The following XRN1 variants were observed in gnomAD, a reference collection of about 807,000 sequenced individuals.
XRN1 encodes strand-exchange protein 1 homolog.
Under a neutral mutation model 222.3 loss-of-function variants are expected in XRN1, and 67 were observed. The ratio of observed to expected loss-of-function variants is 0.30; its 90% confidence interval spans 0.25 to 0.37. The LOEUF (loss-of-function observed/expected upper bound fraction) is 0.37, where lower values mean the gene tolerates loss of function less well. XRN1 is among the 10% of genes least tolerant of loss of function. XRN1 has a pLI of 1.00. For synonymous variants in XRN1, 643 were observed against 652.4 expected (o/e 0.99, Z 0.22); for missense variants, 1,707 against 2,000.2 (o/e 0.85, Z 2.80).
intron 1 of XRN1, among the ~76,000 whole-genome samples, chr3:142,440,795 C>CT (rs2070170066): frequency 6.6e-6 from 1 of 152,120 alleles, no homozygotes; most frequent in African/African-American, 2.4e-5. Flanking sequence ...TTAAGGATGC[C>CT]TTTTTCTGCA....
In XRN1 at chr3:142,351,032, C is replaced by T. The variant is rs111792438; in HGVS notation, c.3769-3690G>A. On this transcript the variant is annotated intron_variant, in intron 32 of 40. Coordinates refer to ENST00000392981, the MANE Select transcript of XRN1 (RefSeq NM_001282857.2). Reference sequence around the variant, plus strand: ...AAGTTTGGGAGACATGATGTATGTACTTTTGTAGGTATATATGTTTGTGTG... The same window carrying T: ...AAGTTTGGGAGACATGATGTATGTATTTTTGTAGGTATATATGTTTGTGTG... Among the ~76,000 whole-genome samples, 778 of 152,118 alleles carry T rather than the reference C, an allele frequency of 5.1e-3. 9 individuals carry two copies. The highest frequency in any genetic ancestry group is 0.018 in the African/African-American group (756 of 41,496).
chr3:142,434,256 C>A (rs1251387720), intron 1 of XRN1, among the ~76,000 whole-genome samples: 1 of 152,180 alleles, frequency 6.6e-6, no homozygotes, highest in Non-Finnish European at 1.5e-5. Context: ...AAGCAATCCT[C>A]CCACCTCAAC....
chr3:142,399,441 T>C (rs2068047071), intron 19 of XRN1, among the ~76,000 whole-genome samples: 1 of 152,046 alleles, frequency 6.6e-6, no homozygotes, highest in Non-Finnish European at 1.5e-5. Context: ...CAAAAATTAA[T>C]TCAAAATGGA....
chr3:142,307,086 T>C lies in XRN1; in HGVS notation c.*4425A>G, dbSNP rs2064982456. 6.6e-6 allele frequency: 1 copy of C among 152,358 alleles called. No individual in the cohort carries two copies. The highest frequency in any genetic ancestry group is 1.5e-5 in the Non-Finnish European group (1 of 68,014). 9.4% of individuals were successfully genotyped at this position (152,358 alleles called of 1,614,324 possible). On this transcript the variant is annotated 3_prime_UTR_variant, in exon 41 of 41. Transcript: ENST00000392981. ...GAAAATACTCAAAGAAGCAGTTGGATACAGGCAAAAGAAAATATGATACTT... is the reference window on the plus strand; with the variant it reads ...GAAAATACTCAAAGAAGCAGTTGGACACAGGCAAAAGAAAATATGATACTT...
At chr3:142,328,711 A>C in intron 37 of XRN1, among the ~76,000 whole-genome samples, 1 of 686 alleles carries the variant, frequency 1.5e-3, no homozygotes, top group East Asian at 0.014. Context: ...TATTATATAT[A>C]TATATATATA....
chr3:142,395,867 T>C (rs1342337641), intron 20 of XRN1, among the ~76,000 whole-genome samples: 1 of 152,228 alleles, frequency 6.6e-6, no homozygotes, highest in Non-Finnish European at 1.5e-5. Flanking sequence ...GGGCTTTTCA[T>C]GTAAGTCTTC....
intron 34 of XRN1, among the ~76,000 whole-genome samples, chr3:142,334,767 TACACACACACACAC>T (rs761753366): frequency 2.2e-5 from 2 of 90,350 alleles, no homozygotes; most frequent in East Asian, 3.8e-4. Context: ...TGTCTATGTA[TACACACACACACAC>T]ACACACACAC....
At chr3:142,379,979 T>C in intron 23 of XRN1, 103 bp downstream of exon 23, 1 of 857,520 alleles carries the variant, frequency 1.2e-6, no homozygotes, top group Non-Finnish European at 1.8e-6. Flanking sequence ...TAATCATTAT[T>C]AAATAAAATA....
chr3:142,347,284 T>C lies in XRN1; in HGVS notation c.3827A>G (p.Asn1276Ser). The C allele has an allele frequency of 6.2e-7, 1 of 1,608,508 alleles. No homozygotes were observed. The highest frequency in any genetic ancestry group is 8.5e-7 in the Non-Finnish European group (1 of 1,177,416). ...TTGCTGATATTTAACACTGTTGTCATTAAAGCCAGATTTATGATGTTGATT... is the reference window on the plus strand; with the variant it reads ...TTGCTGATATTTAACACTGTTGTCACTAAAGCCAGATTTATGATGTTGATT... ...QVNQHHKSGF[N>S]DNSVKYQQRK... The change falls in exon 33 of 41, where the codon AAT becomes AGT. Residue 1276 changes from asparagine to serine, a missense_variant. By Grantham distance (46) the Asn-to-Ser change is conservative. Coordinates refer to ENST00000392981, the MANE Select transcript of XRN1 (RefSeq NM_001282857.2).
chr3:142,331,329 C>A (rs568568968), intron 36 of XRN1, among the ~76,000 whole-genome samples: 1 of 151,996 alleles, frequency 6.6e-6, no homozygotes, highest in East Asian at 1.9e-4. Flanking sequence ...CAGTTATGTG[C>A]CAGATGTTAT....
rs1577322703 is a variant in XRN1 at position 142,376,704 on chromosome 3, T to C, written c.2716-110A>G. The C allele has an allele frequency of 7.6e-6, 6 of 790,618 alleles. No homozygotes were observed. In the East Asian group the frequency reaches 1.4e-4, roughly 19 times the overall value. 49.0% of individuals were successfully genotyped at this position (790,618 alleles called of 1,614,324 possible). On this transcript the variant is annotated intron_variant, in intron 23 of 40. Transcript: ENST00000392981. ...AATCAAGACATCACTAACCATTGGA[T>C]TGTGGCAATATAAGGATTTTCACTT...
rs556430671 is a variant in XRN1 at position 142,341,286 on chromosome 3, T to G, written c.3878-5777A>C. 2.0e-5 allele frequency among the ~76,000 whole-genome samples: 3 copies of G among 151,894 alleles called. No homozygotes were observed. In the East Asian group the frequency reaches 5.8e-4, roughly 29 times the overall value. ...ACTCATAACTTCAAATCAAAAAACA[T>G]AAACAGATACACAAAAAATAAAAAG... On this transcript the variant is annotated intron_variant, in intron 33 of 40. Coordinates refer to ENST00000392981, the MANE Select transcript of XRN1 (RefSeq NM_001282857.2).
At chr3:142,430,434 T>A (rs1416277408) in intron 2 of XRN1, among the ~76,000 whole-genome samples, 1 of 152,214 alleles carries the variant, frequency 6.6e-6, no homozygotes, top group African/African-American at 2.4e-5. Context: ...TAAAAAATAG[T>A]TCCCAGGAGT....
At position 142,375,881 on chromosome 3, in the gene XRN1, C is replaced by G. The variant is rs767968974; in HGVS notation, c.2895G>C (p.Glu965Asp). The G allele has an allele frequency of 6.2e-7, 1 of 1,613,708 alleles. No individual in the cohort carries two copies. Among genetic ancestry groups the G allele is most frequent in the East Asian group, 2.2e-5 (1 of 44,846 alleles). ...LNLKFNKKNE[E>D]VPGYTKKVGS... Reference sequence around the variant, plus strand: ...CAACTTTCTTAGTATATCCAGGTACCTCCTCATTTTTCTTGTTGAATTTGA... The same window carrying G: ...CAACTTTCTTAGTATATCCAGGTACGTCCTCATTTTTCTTGTTGAATTTGA... Residue 965 changes from glutamate (E) to aspartate (D), a missense_variant, in exon 25 of 41, where the codon GAG becomes GAC. Physicochemically the swap from Glu to Asp is conservative, Grantham distance 45. Transcript: ENST00000392981.
chr3:142,423,708 C>A, intron 5 of XRN1, 66 bp from the exon 6 acceptor site: 3 of 1,273,652 alleles, frequency 2.4e-6, no homozygotes, highest in South Asian at 1.7e-5. Flanking sequence ...TTCACAAAAG[C>A]AATTAAAAAA....
chr3:142,318,153 A>G (rs964422215), intron 39 of XRN1, among the ~76,000 whole-genome samples: 1 of 152,206 alleles, frequency 6.6e-6, no homozygotes, highest in African/African-American at 2.4e-5. Flanking sequence ...AATAATAATT[A>G]AGATAAAGGG....
chr3:142,425,536 T>C lies in XRN1; in HGVS notation c.409A>G (p.Thr137Ala). Reference protein sequence around the residue: ...RFDSNCITPGTEFMARLHEHL... With the variant: ...RFDSNCITPGAEFMARLHEHL... ...TCATGTAACCTGGCCATAAATTCAGTTCCTAAAAATAATGTTTTAAAAAGG... is the reference window on the plus strand; with the variant it reads ...TCATGTAACCTGGCCATAAATTCAGCTCCTAAAAATAATGTTTTAAAAAGG... Residue 137 changes from threonine to alanine, a missense_variant and splice_region_variant, in exon 4 of 41, where the codon ACT becomes GCT. By Grantham distance (58) the Thr-to-Ala change is moderately conservative. Coordinates refer to ENST00000392981, the MANE Select transcript of XRN1 (RefSeq NM_001282857.2). The C allele has an allele frequency of 6.2e-7, 1 of 1,605,516 alleles. No individual in the cohort carries two copies. The highest frequency in any genetic ancestry group is 8.5e-7 in the Non-Finnish European group (1 of 1,175,176).
At chr3:142,372,909 T>C (rs905850586) in intron 25 of XRN1, among the ~76,000 whole-genome samples, 2 of 152,202 alleles carry the variant, frequency 1.3e-5, no homozygotes, top group African/African-American at 4.8e-5. Context: ...AGGTCCTCTG[T>C]AGAAACAGGA....
chr3:142,335,557 A>C (rs761162913), intron 33 of XRN1, 48 bp from the exon 34 acceptor site: 1 of 1,462,570 alleles, frequency 6.8e-7, no homozygotes, highest in South Asian at 1.2e-5. Flanking sequence ...TGTTTACTGC[A>C]CAATTAAAAC....
Sources: allele counts gnomAD v4.1 joint callset (sites outside exome capture counted in the v4.1 genomes callset), GRCh38; gene constraint gnomAD v4.1.1; transcripts MANE v1.5; gene names NCBI Gene and HGNC (gene_info 2026-07-23, HGNC 2026-07-21).